PIEZO2: variants seen among roughly 807,000 people sequenced by gnomAD.
PIEZO2 encodes the protein piezo-type mechanosensitive ion channel component 2.
Under a neutral mutation model 337.3 loss-of-function variants are expected in PIEZO2, and 172 were observed. The ratio of observed to expected loss-of-function variants is 0.51; its 90% CI spans 0.45 to 0.58. The LOEUF (loss-of-function observed/expected upper bound fraction) is 0.58, where lower values mean the gene tolerates loss of function less well. Among genes scored for constraint, PIEZO2 ranks in the 20% least tolerant of loss-of-function variants. PIEZO2 has a pLI of 0.00. For synonymous variants in PIEZO2, 1,251 were observed against 1,228.5 expected, an observed-to-expected ratio of 1.02 and a Z score of -0.38; for missense variants, 3,028 against 3,391.3, an observed-to-expected ratio of 0.89 and a Z score of 2.66.
chr18:11,072,003 T>G (rs1263256545), intron 1 of PIEZO2, among the ~76,000 whole-genome samples: 2 of 151,018 alleles, frequency 1.3e-5, no homozygotes, highest in Non-Finnish European at 3.0e-5. Flanking sequence ...CTGTCCTTTC[T>G]GCATCAGGCA....
In PIEZO2 at chr18:10,799,694, C is replaced by G. The variant is rs193256016; in HGVS notation, c.1378+643G>C. Among the ~76,000 whole-genome samples, 27 of 152,114 alleles carry G rather than the reference C, an allele frequency of 1.8e-4. 2 individuals carry two copies. The highest frequency in any genetic ancestry group is 6.6e-5 in the Admixed American group (1 of 15,266). On this transcript the variant is annotated intron_variant, in intron 11 of 55. Coordinates refer to ENST00000674853, the MANE Select transcript of PIEZO2 (RefSeq NM_001378183.1). ...AAAGGACTCTTAAAAAACACTCAGC[C>G]GGGTGCGGTGGCCCACCCCTGTAGT...
chr18:10,730,236 T>C (rs2036710770), intron 36 of PIEZO2, among the ~76,000 whole-genome samples: 2 of 152,352 alleles, frequency 1.3e-5, no homozygotes, highest in African/African-American at 4.8e-5. Flanking sequence ...ATGTAAGTAC[T>C]TATCTTCCTA....
At chr18:11,007,441 AT>A (rs1158037635) in intron 2 of PIEZO2, among the ~76,000 whole-genome samples, 1 of 152,204 alleles carries the variant, frequency 6.6e-6, no homozygotes, top group African/African-American at 2.4e-5. Context: ...GATCTGGAAC[AT>A]TTACATTACC....
In PIEZO2 at chr18:10,744,676, T is replaced by C. The variant is rs539413333; in HGVS notation, c.4425-445A>G. Among the ~76,000 whole-genome samples the C allele has an allele frequency of 1.1e-3, 168 of 152,348 alleles. 1 individual carries two copies. Among genetic ancestry groups the C allele is most frequent in the African/African-American group, 2.0e-3 (83 of 41,578 alleles). On this transcript the variant is annotated intron_variant, in intron 30 of 55. Coordinates refer to ENST00000674853, the MANE Select transcript of PIEZO2 (RefSeq NM_001378183.1). ...AAACTGGGGATTCCTTCAGGGACTA[T>C]GTGAAGGCCAGTTCCTGCTCCATCT...
At position 10,673,523 on chromosome 18, in the gene PIEZO2, G is replaced by C. The variant is rs1205639829; in HGVS notation, c.8162-650C>G. Among the ~76,000 whole-genome samples, 1 of 152,126 alleles carries C rather than the reference G, an allele frequency of 6.6e-6. No homozygotes were observed. Among genetic ancestry groups the C allele is most frequent in the East Asian group, 1.9e-4 (1 of 5,190 alleles). ...TCAATAGGTGAAGGTGGGTGAGGAG[G>C]GAAGCTCATTTCAGGAAGAGTGATG... On this transcript the variant is annotated intron_variant, in intron 54 of 55. Coordinates refer to ENST00000674853, the MANE Select transcript of PIEZO2 (RefSeq NM_001378183.1). The surrounding 1 kb of genome is among the most constrained non-coding windows in gnomAD (Gnocchi z 4.8).
intron 27 of PIEZO2, among the ~76,000 whole-genome samples, chr18:10,756,084 G>A (rs1365377906): frequency 1.3e-5 from 2 of 149,826 alleles, no homozygotes; most frequent in Non-Finnish European, 3.0e-5. Context: ...ATAAAGGATG[G>A]AGGATGAAGA....
chr18:11,106,630 T>A (rs146471050), intron 1 of PIEZO2, among the ~76,000 whole-genome samples: 73 of 151,934 alleles, frequency 4.8e-4, no homozygotes, highest in African/African-American at 1.7e-3. Flanking sequence ...CCCAGGCTGA[T>A]CTCCAACTCT....
At chr18:11,011,194 A>T (rs2035887235) in intron 2 of PIEZO2, among the ~76,000 whole-genome samples, 1 of 152,204 alleles carries the variant, frequency 6.6e-6, no homozygotes, top group Admixed American at 6.5e-5. Context: ...TTCAGATAAA[A>T]TCTTTTCTTT....
chr18:10,921,866 A>G (rs181300765), intron 3 of PIEZO2, among the ~76,000 whole-genome samples: 1 of 152,140 alleles, frequency 6.6e-6, no homozygotes, highest in African/African-American at 2.4e-5. Context: ...TATGGTCGAG[A>G]CTGTAGGGAT....
chr18:11,118,045 T>C (rs530914933), intron 1 of PIEZO2, among the ~76,000 whole-genome samples: 2 of 152,352 alleles, frequency 1.3e-5, no homozygotes, highest in African/African-American at 4.8e-5. Context: ...ACAATTTTTA[T>C]GTTTCCTTCA....
At chr18:10,864,548 G>C (rs1234826520) in intron 5 of PIEZO2, among the ~76,000 whole-genome samples, 7 of 152,200 alleles carry the variant, frequency 4.6e-5, no homozygotes, top group African/African-American at 1.7e-4. Flanking sequence ...ACAAAAAATA[G>C]TTCTTGTTAA....
Position 10,929,246 on chromosome 18 carries a change from A to G in PIEZO2, c.287-18018T>C, listed in dbSNP as rs1447653670. The stretch of plus-strand genomic sequence containing the variant: ...CTGCCCTTCTGAAATGGAGAACTCA[A>G]GAAAAGAAATTAAAAGTGTGAGCGA... On this transcript the variant is annotated intron_variant, in intron 3 of 55. Transcript: ENST00000674853. The surrounding 1 kb of genome is among the most constrained non-coding windows in gnomAD (Gnocchi z 5.6). Among the ~76,000 whole-genome samples, 1 of 152,220 alleles carries G rather than the reference A, an allele frequency of 6.6e-6. No individual in the cohort carries two copies. Among genetic ancestry groups the G allele is most frequent in the Non-Finnish European group, 1.5e-5 (1 of 68,040 alleles).
intron 3 of PIEZO2, among the ~76,000 whole-genome samples, chr18:10,944,887 G>GA (rs1380181333): frequency 1.3e-5 from 2 of 151,982 alleles, no homozygotes; most frequent in African/African-American, 2.4e-5. Context: ...CCTAAGGGGG[G>GA]AGAAAAAGAA....
At chr18:10,852,348 A>T (rs550458307) in intron 7 of PIEZO2, among the ~76,000 whole-genome samples, 1 of 151,864 alleles carries the variant, frequency 6.6e-6, no homozygotes, top group Admixed American at 6.6e-5. Flanking sequence ...GTGTGTGTGG[A>T]TGGGTGTGTG....
At chr18:10,774,327 C>T (rs1485738277) in intron 18 of PIEZO2, among the ~76,000 whole-genome samples, 3 of 152,142 alleles carry the variant, frequency 2.0e-5, no homozygotes, top group African/African-American at 4.8e-5. Flanking sequence ...TTTTTAGTAA[C>T]GCAACAAACC....
intron 5 of PIEZO2, among the ~76,000 whole-genome samples, chr18:10,857,585 T>A (rs560398087): frequency 6.6e-6 from 1 of 152,320 alleles, no homozygotes; most frequent in East Asian, 1.9e-4. Context: ...TGATAAGAAG[T>A]TTGATAAAAC....
At chr18:10,751,725 C>T (rs2037652764) in intron 28 of PIEZO2, among the ~76,000 whole-genome samples, 1 of 152,200 alleles carries the variant, frequency 6.6e-6, no homozygotes, top group African/African-American at 2.4e-5. Flanking sequence ...ACAGCAGTTA[C>T]AGCCTGGGAG....
At chr18:10,928,062 A>G (rs950214801) in intron 3 of PIEZO2, among the ~76,000 whole-genome samples, 1 of 152,162 alleles carries the variant, frequency 6.6e-6, no homozygotes, top group African/African-American at 2.4e-5. Context: ...CGCCCCACTC[A>G]TAGGGCAGCC....
rs1299617543 is a variant in PIEZO2 at position 11,125,539 on chromosome 18, C to T, written c.64+22986G>A. Among the ~76,000 whole-genome samples the T allele has an allele frequency of 6.6e-6, 1 of 152,202 alleles. No individual in the cohort carries two copies. The highest frequency in any genetic ancestry group is 2.4e-5 in the African/African-American group (1 of 41,446). On this transcript the variant is annotated intron_variant, in intron 1 of 55. Transcript: ENST00000674853. This position sits in a 1 kb window ranked among gnomAD's most constrained non-coding sequence, Gnocchi z 4.4. ...TCATTACGTTGTTGGATTGTTTCCT[C>T]AATACATCTGCGGAAACCAAGACAC...
Sources: allele counts gnomAD v4.1 joint callset (sites outside exome capture counted in the v4.1 genomes callset), GRCh38; gene constraint gnomAD v4.1.1; non-coding constraint Gnocchi (gnomAD v3.1); transcripts MANE v1.5; gene names NCBI Gene and HGNC (gene_info 2026-07-23, HGNC 2026-07-21).